The following ARHGEF37 variants were observed in gnomAD, a reference collection of about 807,000 sequenced individuals.
ARHGEF37 encodes Rho guanine nucleotide exchange factor 37, also known as Rho guanine nucleotide exchange factor (GEF) 37.
In ARHGEF37, 55 loss-of-function variants were observed where a neutral mutation model predicts 71.1. The observed-to-expected ratio is 0.77, with a 90% CI of 0.62 to 0.97. The LOEUF (loss-of-function observed/expected upper bound fraction) is 0.97, where lower values mean the gene tolerates loss of function less well. Ranked by LOEUF, ARHGEF37 falls within the 50% of genes least tolerant of loss-of-function variation. The pLI is 0.00. For synonymous variants in ARHGEF37, 327 were observed against 350.6 expected, an observed-to-expected ratio of 0.93 and a Z score of 0.75; for missense variants, 765 against 836.8, an observed-to-expected ratio of 0.91 and a Z score of 1.06.
rs138935168 is a variant in ARHGEF37, at chr5:149,614,156, T to C, written c.459-2411T>C. Among the ~76,000 whole-genome samples the C allele has an allele frequency of 2.4e-3, 365 of 152,266 alleles. 1 individual carries two copies. The highest frequency in any genetic ancestry group is 4.1e-3 in the Non-Finnish European group (276 of 68,016). ...TTCCTCTATTGAAGCATATTTGGGTTGTTTCCAATTATTTACTAACTCAAA... is the reference window on the plus strand; with the variant it reads ...TTCCTCTATTGAAGCATATTTGGGTCGTTTCCAATTATTTACTAACTCAAA... On this transcript the variant is annotated intron_variant, in intron 4 of 12. Coordinates refer to ENST00000333677, the MANE Select transcript of ARHGEF37 (RefSeq NM_001001669.3).
At chr5:149,565,432 G>C (rs1157687272) in intron 1 of ARHGEF37, among the ~76,000 whole-genome samples, 2 of 152,200 alleles carry the variant, frequency 1.3e-5, no homozygotes, top group Non-Finnish European at 2.9e-5. Context: ...AGGGGACAAA[G>C]TCAAAATAAT....
Position 149,570,964 on chromosome 5 carries a change from T to C in ARHGEF37, c.-12+18841T>C, listed in dbSNP as rs546282309. On this transcript the variant is annotated intron_variant, in intron 1 of 2. Transcript: ENST00000505810. ...TGTTTTGTTTTTGATTTTTTTGAGA[T>C]GGAGTTTCACTCTTGTTGCCCAGGC... Among the ~76,000 whole-genome samples the C allele has an allele frequency of 2.0e-5, 3 of 152,310 alleles. No individual in the cohort carries two copies. In the South Asian group the frequency reaches 6.2e-4, roughly 32 times the overall value.
At chr5:149,577,148 C>G (rs140927716), upstream of ARHGEF37, among the ~76,000 whole-genome samples, 636 of 152,226 alleles carry the variant, frequency 4.2e-3, 11 homozygotes, top group African/African-American at 0.014. Flanking sequence ...TCTTGGACAA[C>G]TTACTTAATC....
chr5:149,566,497 AC>A (rs1293381027), intron 1 of ARHGEF37, among the ~76,000 whole-genome samples: 3 of 139,754 alleles, frequency 2.1e-5, no homozygotes, highest in Admixed American at 1.4e-4. Context: ...GACTGTCTCA[AC>A]CCCCCCATCC....
intron 1 of ARHGEF37, among the ~76,000 whole-genome samples, chr5:149,591,682 T>C (rs1193663561): frequency 6.6e-6 from 1 of 152,260 alleles, no homozygotes; most frequent in Non-Finnish European, 1.5e-5. Context: ...GCAAAAATGA[T>C]ACACATTCAG....
chr5:149,627,255 G>A lies in ARHGEF37; in HGVS notation c.1644G>A (p.Trp548Ter), dbSNP rs113257120. 1 of 1,613,690 alleles carries A rather than the reference G, an allele frequency of 6.2e-7. No individual in the cohort carries two copies. Among genetic ancestry groups the A allele is most frequent in the Non-Finnish European group, 8.5e-7 (1 of 1,179,948 alleles). Reference protein sequence around the residue: ...NKDTKGNSGRWLVDTGGHRGY... With the variant: ...NKDTKGNSGR ...ACACCAAAGGCAACAGCGGCCGCTG[G>A]CTGGTGGACACCGGGGGTACGTGAG... Residue 548 changes from tryptophan (W) to a stop codon, truncating the protein, a stop_gained, in exon 11 of 13, where the codon TGG becomes TGA. Transcript: ENST00000333677. LOFTEE classifies it high-confidence loss of function.
rs1464369901 is a variant in ARHGEF37 at position 149,628,857 on chromosome 5, T to C, written c.1709T>C (p.Val570Ala). ...PAGKLQLYHVVPSAEELRRQA... is the reference protein window; with the variant it reads ...PAGKLQLYHVAPSAEELRRQA... ...GGGAAACTACAGCTGTACCATGTGG[T>C]CCCCAGTGCAGAGGAGCTCAGAAGG... The change falls in exon 12 of 13, where the codon GTC (valine) becomes GCC (alanine). Residue 570 changes from valine to alanine, a missense_variant. This residue lies in a region of ARHGEF37 where 390 missense variants were observed against 407.4 expected (regional missense o/e 0.96). Coordinates refer to ENST00000333677, the MANE Select transcript of ARHGEF37 (RefSeq NM_001001669.3). 1 of 1,613,746 alleles carries C rather than the reference T, an allele frequency of 6.2e-7. No homozygotes were observed. Among genetic ancestry groups the C allele is most frequent in the African/African-American group, 1.3e-5 (1 of 75,034 alleles).
In ARHGEF37 at chr5:149,567,499, C is replaced by T. The variant is rs137884121; in HGVS notation, c.-12+15376C>T. ...CACACTAAACTTTCACTGTGGCATCCGTTAAGGTTTTTCTAAATATACCAC... is the reference window on the plus strand; with the variant it reads ...CACACTAAACTTTCACTGTGGCATCTGTTAAGGTTTTTCTAAATATACCAC... On this transcript the variant is annotated intron_variant, in intron 1 of 2. Coordinates refer to the ARHGEF37 transcript ENST00000505810. Among the ~76,000 whole-genome samples the T allele has an allele frequency of 4.1e-3, 618 of 152,186 alleles. 4 individuals are homozygous for T. The highest frequency in any genetic ancestry group is 0.014 in the African/African-American group (564 of 41,516).
intron 1 of ARHGEF37, among the ~76,000 whole-genome samples, chr5:149,564,509 A>C (rs1412323034): frequency 6.6e-6 from 1 of 152,046 alleles, no homozygotes; most frequent in East Asian, 1.9e-4. Context: ...CATCTCTTTC[A>C]AGATTAAGGG....
intron 4 of ARHGEF37, among the ~76,000 whole-genome samples, chr5:149,611,614 CTT>C (rs2113347615): frequency 6.6e-6 from 1 of 152,376 alleles, no homozygotes; most frequent in African/African-American, 2.4e-5. Context: ...AGAGAGCCAT[CTT>C]ATGTCTCAGG....
At chr5:149,596,440 G>A (rs991968495) in intron 1 of ARHGEF37, among the ~76,000 whole-genome samples, 1 of 152,118 alleles carries the variant, frequency 6.6e-6, no homozygotes, top group African/African-American at 2.4e-5. Context: ...GAGTAGCTGG[G>A]ATTACAGGTG....
chr5:149,582,926 A>C (rs2113265922), intron 1 of ARHGEF37, among the ~76,000 whole-genome samples: 1 of 152,324 alleles, frequency 6.6e-6, no homozygotes, highest in South Asian at 2.1e-4. Context: ...AACATGAAAA[A>C]ATAAAGTCAG....
intron 11 of ARHGEF37, among the ~76,000 whole-genome samples, chr5:149,628,189 T>G (rs1752756550): frequency 6.6e-6 from 1 of 152,200 alleles, no homozygotes; most frequent in African/African-American, 2.4e-5. Context: ...GCTGACTGTG[T>G]GATCTCAGGG....
chr5:149,610,231 G>A (rs564135000), intron 4 of ARHGEF37, among the ~76,000 whole-genome samples: 2 of 152,298 alleles, frequency 1.3e-5, no homozygotes, highest in East Asian at 1.9e-4. Flanking sequence ...CAGTGAGATG[G>A]TGGGACCCAT....
chr5:149,611,669 G>A (rs985574984), intron 4 of ARHGEF37, among the ~76,000 whole-genome samples: 19 of 152,304 alleles, frequency 1.2e-4, no homozygotes, highest in East Asian at 3.9e-4. Context: ...TAACAGCCCC[G>A]CATGGGGCAT....
rs1752189229 is a variant in ARHGEF37, at chr5:149,611,874, T to C, written c.458+2179T>C. On this transcript the variant is annotated intron_variant, in intron 4 of 12. Transcript: ENST00000333677. ...TGAAATATATGTATAAATAAATATATCTCTTCTACCTATATATGTAACTGA... is the reference window on the plus strand; with the variant it reads ...TGAAATATATGTATAAATAAATATACCTCTTCTACCTATATATGTAACTGA... 2.6e-5 allele frequency among the ~76,000 whole-genome samples: 4 copies of C among 152,088 alleles called. No individual in the cohort carries two copies. The South Asian group carries it at 8.3e-4, about 32-fold the overall frequency.
intron 1 of ARHGEF37, among the ~76,000 whole-genome samples, chr5:149,562,777 A>G (rs1402198160): frequency 6.6e-6 from 1 of 152,192 alleles, no homozygotes; most frequent in South Asian, 2.1e-4. Context: ...AGGATTCCTT[A>G]CATTCCACAC....
intron 1 of ARHGEF37, among the ~76,000 whole-genome samples, chr5:149,596,136 G>C (rs1313714970): frequency 6.6e-6 from 1 of 152,074 alleles, no homozygotes; most frequent in Non-Finnish European, 1.5e-5. Context: ...CAGCTCAGCT[G>C]CTCCCCACCG....
chr5:149,579,075 G>C (rs372895091), upstream of ARHGEF37, among the ~76,000 whole-genome samples: 9 of 152,290 alleles, frequency 5.9e-5, no homozygotes, highest in African/African-American at 2.2e-4. Flanking sequence ...CTGCCCCGGG[G>C]AGTGTTGACA....
Sources: allele counts gnomAD v4.1 joint callset (sites outside exome capture counted in the v4.1 genomes callset), GRCh38; gene constraint gnomAD v4.1.1; regional missense constraint gnomAD v4.1.1; transcripts MANE v1.5; gene names NCBI Gene and HGNC (gene_info 2026-07-23, HGNC 2026-07-21).